The following CDH17 variants were observed in gnomAD, a reference collection of about 807,000 sequenced individuals.
CDH17 encodes cadherin-17.
CDH17 carries 67 observed loss-of-function variants against 86.3 expected under a neutral mutation model. The observed-to-expected ratio is 0.78, with a 90% CI of 0.64 to 0.95. The LOEUF (loss-of-function observed/expected upper bound fraction) is 0.95, where lower values mean the gene tolerates loss of function less well. CDH17 is among the 40% of genes least tolerant of loss of function. The probability of loss-of-function intolerance (pLI) is 0.00; values close to 1 mark genes in which losing one functional copy is unlikely to be tolerated. For synonymous variants in CDH17, 367 were observed against 366.4 expected (o/e 1.00, Z -0.02); for missense variants, 993 against 1,017.6 (o/e 0.98, Z 0.33).
intron 1 of CDH17, among the ~76,000 whole-genome samples, chr8:94,213,710 C>T (rs1814155728): frequency 6.6e-6 from 1 of 152,122 alleles, no homozygotes; most frequent in Admixed American, 6.5e-5. Flanking sequence ...CCACTGAAAC[C>T]ACCCTCACCG....
chr8:94,130,485 T>G, intron 17 of CDH17, 141 bp downstream of exon 17: 1 of 592,922 alleles, frequency 1.7e-6, no homozygotes, highest in Non-Finnish European at 3.0e-6. Context: ...TGATGTAATT[T>G]GCTGGTGATC....
chr8:94,207,940 C>T (rs1814061012), intron 1 of CDH17, among the ~76,000 whole-genome samples: 1 of 152,216 alleles, frequency 6.6e-6, no homozygotes, highest in East Asian at 1.9e-4. Flanking sequence ...GTCTGTCTGT[C>T]TTCAATTCTT....
chr8:94,153,275 T>G (rs1245282450), intron 12 of CDH17, among the ~76,000 whole-genome samples: 1 of 152,140 alleles, frequency 6.6e-6, no homozygotes, highest in Non-Finnish European at 1.5e-5. Flanking sequence ...AAAATGCTCA[T>G]TACTAATCAT....
intron 1 of CDH17, among the ~76,000 whole-genome samples, chr8:94,196,932 C>G (rs548952173): frequency 6.6e-6 from 1 of 152,144 alleles, no homozygotes; most frequent in Non-Finnish European, 1.5e-5. Flanking sequence ...ATTAGGCCAG[C>G]TTCTTCAAGC....
upstream of CDH17, among the ~76,000 whole-genome samples, chr8:94,211,143 T>C (rs1004381614): frequency 3.9e-5 from 6 of 151,942 alleles, no homozygotes; most frequent in African/African-American, 1.4e-4. Context: ...GTTTTAAGCA[T>C]TCCTCCAATA....
At chr8:94,153,210 C>G (rs371565639) in intron 12 of CDH17, among the ~76,000 whole-genome samples, 6 of 152,150 alleles carry the variant, frequency 3.9e-5, no homozygotes, top group South Asian at 4.2e-4. Flanking sequence ...GGCAAAGGAC[C>G]TGAATAGTCA....
intron 11 of CDH17, among the ~76,000 whole-genome samples, chr8:94,160,619 T>A (rs538255920): frequency 6.6e-6 from 1 of 152,304 alleles, no homozygotes; most frequent in South Asian, 2.1e-4. Flanking sequence ...TTGCTTCTTA[T>A]TAGTTGAGTG....
chr8:94,145,739 T>G (rs1486974049), intron 15 of CDH17, among the ~76,000 whole-genome samples, 189 bp downstream of exon 15: 1 of 152,200 alleles, frequency 6.6e-6, no homozygotes. Flanking sequence ...GGTCATAATC[T>G]TTCCTCCCTT....
chr8:94,195,823 C>T (rs535675826), intron 1 of CDH17, among the ~76,000 whole-genome samples: 4 of 151,598 alleles, frequency 2.6e-5, no homozygotes, highest in Middle Eastern at 3.4e-3. Flanking sequence ...TGCAGTGGCA[C>T]GATCTCAGCT....
chr8:94,148,711 CTTTTTTTTTGTTT>C lies in CDH17; in HGVS notation c.1927+20_1927+32del, dbSNP rs1812796021. 3 of 1,345,934 alleles carry C rather than the reference CTTTTTTTTTGTTT, an allele frequency of 2.2e-6. No individual in the cohort carries two copies. Among genetic ancestry groups the C allele is most frequent in the Admixed American group, 3.1e-5 (1 of 32,768 alleles). 83.4% of individuals were successfully genotyped at this position (1,345,934 alleles called of 1,614,324 possible). On this transcript the variant is annotated intron_variant, in intron 14 of 17. Coordinates refer to ENST00000027335, the MANE Select transcript of CDH17 (RefSeq NM_004063.4). ...ATGTATCTTCTGATAATCTGTGTTCCTTTTTTTTTGTTTTTTTTTTTTTTTTGCTTACCTACTT... is the reference window on the plus strand; with the variant it reads ...ATGTATCTTCTGATAATCTGTGTTCCTTTTTTTTTTTTTGCTTACCTACTT...
Position 94,130,495 on chromosome 8 carries a change from C to A in CDH17, c.2398+131G>T, listed in dbSNP as rs1055814128. 9.9e-6 allele frequency: 6 copies of A among 603,510 alleles called. No individual in the cohort carries two copies. The African/African-American group carries it at 1.1e-4, about 11-fold the overall frequency. The allele number at this position is 603,510 out of a possible 1,614,324, so 37.4% of individuals were successfully genotyped here. ...AAGTCTGATGTAATTTGCTGGTGAT[C>A]TACCTTCTGGGCTATTGCCTGAGTT... is the stretch of plus-strand genomic sequence containing the variant. On this transcript the variant is annotated intron_variant, in intron 17 of 17. Coordinates refer to ENST00000027335, the MANE Select transcript of CDH17 (RefSeq NM_004063.4).
At chr8:94,205,514 C>A (rs1390258918) in intron 1 of CDH17, among the ~76,000 whole-genome samples, 3 of 152,034 alleles carry the variant, frequency 2.0e-5, no homozygotes, top group African/African-American at 7.3e-5. Context: ...TGCAAAGTGA[C>A]CCAAGGCAGG....
rs1387505970 is a variant in CDH17 at position 94,200,636 on chromosome 8, A to C, written c.-20-5931T>G. 2.3e-5 allele frequency among the ~76,000 whole-genome samples: 3 copies of C among 132,796 alleles called. No individual in the cohort carries two copies. In the Admixed American group the frequency reaches 2.7e-4, roughly 12 times the overall value. 87.1% of individuals were successfully genotyped at this position (132,796 alleles called of 152,430 possible). A position where few individuals can be genotyped will look rare whatever the true frequency, so the allele number is the denominator to read the frequency against. On this transcript the variant is annotated intron_variant, in intron 1 of 17. Transcript: ENST00000027335. ...TGTGGCTGCCCCTCACCCAATGGGC[A>C]CCACCATGACCACCACTTGCTCAAC...
At chr8:94,170,702 G>A (rs1813252504) in intron 8 of CDH17, 152 bp downstream of exon 8, 1 of 1,313,912 alleles carries the variant, frequency 7.6e-7, no homozygotes, top group South Asian at 1.5e-5. Context: ...TCAGAATTAT[G>A]TGAAAATTAT....
chr8:94,168,051 A>G (rs1813189348), intron 9 of CDH17, among the ~76,000 whole-genome samples: 6 of 99,384 alleles, frequency 6.0e-5, no homozygotes, highest in Admixed American at 5.8e-4. Context: ...ACTTGGGGAC[A>G]CGAGTTCCAC....
chr8:94,176,614 C>G lies in CDH17; in HGVS notation c.351G>C (p.Lys117Asn). The change falls in exon 5 of 18, where the codon AAG becomes AAC. Residue 117 changes from lysine to asparagine, a missense_variant. Coordinates refer to ENST00000027335, the MANE Select transcript of CDH17 (RefSeq NM_004063.4). ...EGPVPITIKV[K>N]DINDNRPTFL... is the part of the protein sequence containing the mutation. ...ACGTGGGTCGATTGTCGTTGATGTC[C>G]TTCACTTTTATGGTGATAGGGACTG... 1 of 1,613,674 alleles carries G rather than the reference C, an allele frequency of 6.2e-7. No homozygotes were observed. The highest frequency in any genetic ancestry group is 1.1e-5 in the South Asian group (1 of 91,066).
intron 3 of CDH17, among the ~76,000 whole-genome samples, chr8:94,180,268 T>C (rs1310659492): frequency 6.6e-6 from 1 of 151,462 alleles, no homozygotes; most frequent in African/African-American, 2.4e-5. Context: ...CAAAAATGAA[T>C]AGATTCCCAG....
At chr8:94,142,197 C>T (rs1042113229) in intron 15 of CDH17, among the ~76,000 whole-genome samples, 2 of 152,258 alleles carry the variant, frequency 1.3e-5, no homozygotes, top group Middle Eastern at 3.4e-3. Context: ...CATATCTCAG[C>T]GATATGGGTT....
At chr8:94,146,331 C>CT (rs1377185624) in intron 14 of CDH17, among the ~76,000 whole-genome samples, 164 bp from the exon 15 acceptor site, 1 of 152,200 alleles carries the variant, frequency 6.6e-6, no homozygotes, top group Non-Finnish European at 1.5e-5. Flanking sequence ...GTGAAAAAGT[C>CT]TTACTGACCA....
Sources: allele counts gnomAD v4.1 joint callset (sites outside exome capture counted in the v4.1 genomes callset), GRCh38; gene constraint gnomAD v4.1.1; transcripts MANE v1.5; gene names NCBI Gene and HGNC (gene_info 2026-07-23, HGNC 2026-07-21).